The following CLHC1 variants were observed in gnomAD, a reference collection of about 807,000 sequenced individuals.
The protein encoded by CLHC1 is clathrin heavy chain linker domain containing 1, also known as clathrin heavy chain linker domain-containing protein 1.
In CLHC1, 72 loss-of-function variants were observed where a neutral mutation model predicts 69.5. The ratio of observed to expected loss-of-function variants is 1.04; its 90% CI spans 0.86 to 1.26. CLHC1 has a LOEUF of 1.26. Ranked by LOEUF, CLHC1 falls within the 50% of genes most tolerant of loss-of-function variation. The pLI is 0.00. For missense variants in CLHC1, 790 were observed against 679.3 expected (o/e 1.16, Z -1.81); for synonymous variants, 223 against 224.3 (o/e 0.99, Z 0.05).
intron 9 of CLHC1, among the ~76,000 whole-genome samples, chr2:55,184,216 C>A (rs2103714314): frequency 6.6e-6 from 1 of 151,972 alleles, no homozygotes. Context: ...GGTGATCCTC[C>A]CACTTCAGCC....
intron 9 of CLHC1, among the ~76,000 whole-genome samples, chr2:55,190,449 T>C (rs1465451827): frequency 6.6e-6 from 1 of 152,132 alleles, no homozygotes; most frequent in Non-Finnish European, 1.5e-5. Context: ...AAAATTGACA[T>C]GATAGAATTT....
chr2:55,205,942 G>T (rs1478581937), intron 9 of CLHC1, among the ~76,000 whole-genome samples: 1 of 151,884 alleles, frequency 6.6e-6, no homozygotes, highest in Non-Finnish European at 1.5e-5. Flanking sequence ...TGTACAATTT[G>T]TTGTATTATG....
chr2:55,197,793 A>G (rs969014475), intron 9 of CLHC1, among the ~76,000 whole-genome samples: 1 of 152,206 alleles, frequency 6.6e-6, no homozygotes, highest in African/African-American at 2.4e-5. Context: ...GCCCAGACAC[A>G]GATAAACAGC....
intron 9 of CLHC1, among the ~76,000 whole-genome samples, chr2:55,191,417 G>T (rs1670916254): frequency 1.3e-5 from 2 of 152,014 alleles, no homozygotes; most frequent in South Asian, 2.1e-4. Context: ...TGTATTTTTA[G>T]TAGAGACGGG....
intron 2 of CLHC1, among the ~76,000 whole-genome samples, chr2:55,223,337 T>A (rs1674340977): frequency 6.6e-6 from 1 of 152,144 alleles, no homozygotes; most frequent in Non-Finnish European, 1.5e-5. Context: ...CATCCCTCAA[T>A]GATGTCAAAA....
intron 9 of CLHC1, among the ~76,000 whole-genome samples, chr2:55,191,217 G>A (rs967462833): frequency 6.6e-6 from 1 of 152,194 alleles, no homozygotes; most frequent in Non-Finnish European, 1.5e-5. Context: ...AGTTTTAGCA[G>A]AAGTAAAATG....
intron 1 of CLHC1, among the ~76,000 whole-genome samples, chr2:55,231,007 TG>T (rs1463119770): frequency 1.3e-5 from 2 of 152,080 alleles, no homozygotes; most frequent in African/African-American, 4.8e-5. Flanking sequence ...CTCACCACTT[TG>T]GGAGGCCAAG....
chr2:55,193,739 C>A (rs933740074), intron 9 of CLHC1, among the ~76,000 whole-genome samples: 2 of 152,072 alleles, frequency 1.3e-5, no homozygotes, highest in Non-Finnish European at 2.9e-5. Flanking sequence ...ACAGAGCTAC[C>A]ATATAATTTA....
rs1368223655 is a variant in CLHC1, at chr2:55,175,500, T to A, written c.*290A>T. 1 of 325,264 alleles carries A rather than the reference T, an allele frequency of 3.1e-6. No homozygotes were observed. The highest frequency in any genetic ancestry group is 4.4e-5 in the Admixed American group (1 of 22,786). The allele number at this position is 325,264 out of a possible 1,614,324, so 20.1% of individuals were successfully genotyped here. On this transcript the variant is annotated 3_prime_UTR_variant, in exon 13 of 13. Coordinates refer to ENST00000401408, the MANE Select transcript of CLHC1 (RefSeq NM_152385.4). ...TTACATCACCAGAAAGTAATATATC[T>A]GGACATTAGCTTATGTCCTTAGATA... is the stretch of plus-strand genomic sequence containing the variant.
At position 55,186,975 on chromosome 2, in the gene CLHC1, A is replaced by T. The variant is rs868536747; in HGVS notation, c.1007-5231T>A. Among the ~76,000 whole-genome samples the T allele has an allele frequency of 3.3e-4, 50 of 152,114 alleles. No homozygotes were observed. In the Middle Eastern group the frequency reaches 0.017, roughly 52 times the overall value. On this transcript the variant is annotated intron_variant, in intron 9 of 12. Transcript: ENST00000401408. Reference sequence around the variant, plus strand: ...ACTAGAACAGAGAAACTATATATTTAAAAAAATAAGGCCAGGCGCGGTGGC... The same window carrying T: ...ACTAGAACAGAGAAACTATATATTTTAAAAAATAAGGCCAGGCGCGGTGGC...
intron 5 of CLHC1, among the ~76,000 whole-genome samples, chr2:55,211,994 C>T (rs1247500280): frequency 9.2e-5 from 14 of 152,144 alleles, no homozygotes; most frequent in Admixed American, 9.2e-4. Context: ...AAACCTGAAG[C>T]GGCTGGGCAC....
chr2:55,193,371 GA>G (rs144403559), intron 9 of CLHC1, among the ~76,000 whole-genome samples: 38 of 151,360 alleles, frequency 2.5e-4, no homozygotes, highest in Non-Finnish European at 3.8e-4. Flanking sequence ...CCACAGTTGG[GA>G]AAAAAATATT....
At chr2:55,222,192 C>T (rs746922927) in intron 3 of CLHC1, 43 bp downstream of exon 3, 16 of 1,374,754 alleles carry the variant, frequency 1.2e-5, no homozygotes, top group Admixed American at 1.7e-5. Context: ...TAGATCATTG[C>T]TATCCTCATG....
At chr2:55,227,330 G>A (rs1254921955) in intron 2 of CLHC1, among the ~76,000 whole-genome samples, 4 of 151,360 alleles carry the variant, frequency 2.6e-5, no homozygotes, top group African/African-American at 9.8e-5. Flanking sequence ...AAGGTCCCTG[G>A]CTCCTTGAAG....
intron 3 of CLHC1, among the ~76,000 whole-genome samples, chr2:55,219,815 A>T (rs1289426187): frequency 6.6e-6 from 1 of 152,142 alleles, no homozygotes; most frequent in East Asian, 1.9e-4. Flanking sequence ...GCTCCTCCAT[A>T]TGGATCTGAA....
At chr2:55,185,016 C>G (rs79978696) in intron 9 of CLHC1, among the ~76,000 whole-genome samples, 17,460 of 150,922 alleles carry the variant, frequency 0.12, 1,236 homozygotes, top group East Asian at 0.29. Context: ...TTCAATTAGA[C>G]TTTCAGGTAA....
intron 9 of CLHC1, among the ~76,000 whole-genome samples, chr2:55,201,100 A>G: frequency 6.6e-6 from 1 of 152,074 alleles, no homozygotes. Flanking sequence ...TCAAATAAAC[A>G]CCCTAATGAT....
chr2:55,216,619 C>T (rs1200795203), intron 4 of CLHC1, among the ~76,000 whole-genome samples: 5 of 151,776 alleles, frequency 3.3e-5, no homozygotes. Context: ...CATTTGTATC[C>T]ATCTCTCAAG....
upstream of CLHC1, chr2:55,232,455 G>A: frequency 3.0e-6 from 1 of 336,812 alleles, no homozygotes; most frequent in East Asian, 7.0e-5. Context: ...TACGGGAAAA[G>A]CCTTTTTAAA....
Sources: allele counts gnomAD v4.1 joint callset (sites outside exome capture counted in the v4.1 genomes callset), GRCh38; gene constraint gnomAD v4.1.1; transcripts MANE v1.5; gene names NCBI Gene and HGNC (gene_info 2026-07-23, HGNC 2026-07-21).